The following FNTB variants were observed in gnomAD, a reference collection of about 807,000 sequenced individuals.
The protein encoded by FNTB is protein farnesyltransferase subunit beta.
A neutral mutation model predicts 59.4 loss-of-function variants in FNTB; 27 were observed. That is an observed-to-expected ratio of 0.45 (90% CI 0.34 to 0.63). The LOEUF (loss-of-function observed/expected upper bound fraction) is 0.63. Among genes scored for constraint, FNTB ranks in the 20% least tolerant of loss-of-function variants. The pLI is 0.02. For synonymous variants in FNTB, 230 were observed against 220.7 expected (o/e 1.04, Z -0.37); for missense variants, 449 against 559.6 (o/e 0.80, Z 1.99).
intron 1 of FNTB, among the ~76,000 whole-genome samples, chr14:65,000,016 G>A (rs924921268): frequency 1.3e-4 from 20 of 152,160 alleles, no homozygotes; most frequent in Non-Finnish European, 4.4e-5. Context: ...CTGCTTTCCC[G>A]CAAGAAAGCT....
rs932599411 is a variant in FNTB at position 64,990,268 on chromosome 14, T to C, written c.144+3171T>C. Reference sequence around the variant, plus strand: ...GCCCCAGATTCACTTGGCCCTTTTCTAGCCTGCTCTGTAGATGTGCCCCAG... The same window carrying C: ...GCCCCAGATTCACTTGGCCCTTTTCCAGCCTGCTCTGTAGATGTGCCCCAG... On this transcript the variant is annotated intron_variant, in intron 1 of 11. Coordinates refer to ENST00000246166, the MANE Select transcript of FNTB (RefSeq NM_002028.4). The surrounding 1 kb of genome is among the most constrained non-coding windows in gnomAD (Gnocchi z 5.2). Among the ~76,000 whole-genome samples, 2 of 152,234 alleles carry C rather than the reference T, an allele frequency of 1.3e-5. No homozygotes were observed. Among genetic ancestry groups the C allele is most frequent in the African/African-American group, 4.8e-5 (2 of 41,468 alleles).
In FNTB at chr14:65,012,090, T is replaced by C. The variant is rs1171227513; in HGVS notation, c.210-227T>C. The C allele has an allele frequency of 4.0e-6, 2 of 504,966 alleles. No homozygotes were observed. The highest frequency in any genetic ancestry group is 1.9e-5 in the African/African-American group (1 of 51,480). 31.3% of individuals were successfully genotyped at this position (504,966 alleles called of 1,614,324 possible). ...CTTTAGGAGACAATCGCACTCTAAA[T>C]GTCAGCTGGCATGGTTTTCAGATGC... On this transcript the variant is annotated intron_variant, in intron 2 of 11. Coordinates refer to ENST00000246166, the MANE Select transcript of FNTB (RefSeq NM_002028.4). This position sits in a 1 kb window ranked among gnomAD's most constrained non-coding sequence, Gnocchi z 5.0.
intron 1 of FNTB, among the ~76,000 whole-genome samples, chr14:64,993,394 A>G (rs1467244865): frequency 1.3e-5 from 2 of 152,358 alleles, no homozygotes; most frequent in East Asian, 3.9e-4. Flanking sequence ...TTCACTGATT[A>G]CCATTAGCCA....
intron 4 of FNTB, chr14:65,021,904 C>T (rs2061893848): frequency 2.9e-5 from 13 of 455,770 alleles, no homozygotes; most frequent in Admixed American, 7.1e-5. Context: ...CGTCGGCCTC[C>T]CAAAGTGCTA....
chr14:65,004,754 A>G (rs767867547), intron 2 of FNTB, among the ~76,000 whole-genome samples: 2 of 151,564 alleles, frequency 1.3e-5, no homozygotes, highest in African/African-American at 4.9e-5. Context: ...CCTTCGCCTC[A>G]TAGGTTCAAG....
chr14:65,001,583 T>C lies in FNTB; in HGVS notation c.145-2666T>C, dbSNP rs1888601227. On this transcript the variant is annotated intron_variant, in intron 1 of 11. Coordinates refer to ENST00000246166, the MANE Select transcript of FNTB (RefSeq NM_002028.4). The surrounding 1 kb of genome is among the most constrained non-coding windows in gnomAD (Gnocchi z 5.5). ...TTTGTGTAAATACTCCAGCATTTTATATCAAGGACTTGAGCATCCACAGAT... is the reference window on the plus strand; with the variant it reads ...TTTGTGTAAATACTCCAGCATTTTACATCAAGGACTTGAGCATCCACAGAT... 6.6e-6 allele frequency among the ~76,000 whole-genome samples: 1 copy of C among 152,218 alleles called. No individual in the cohort carries two copies.
Position 65,011,573 on chromosome 14 carries a change from G to A in FNTB, c.210-744G>A, listed in dbSNP as rs1240097675. ...CTTTGTTTCTGTAATCTGCAAGCAC[G>A]GGGAACATCTTGACAATCTGTGCTT... On this transcript the variant is annotated intron_variant, in intron 2 of 11. Transcript: ENST00000246166. The surrounding 1 kb of genome is among the most constrained non-coding windows in gnomAD (Gnocchi z 4.0). Among the ~76,000 whole-genome samples the A allele has an allele frequency of 3.3e-5, 5 of 152,346 alleles. No individual in the cohort carries two copies. Among genetic ancestry groups the A allele is most frequent in the South Asian group, 2.1e-4 (1 of 4,832 alleles).
chr14:65,049,127 A>T (rs1396709441), intron 9 of FNTB, among the ~76,000 whole-genome samples: 39 of 29,256 alleles, frequency 1.3e-3, no homozygotes, highest in African/African-American at 9.2e-3. Flanking sequence ...ACTCCGTCTA[A>T]AAAAAAAAAA....
chr14:65,004,648 TTTTCTTTTTC>T (rs1263922725), intron 2 of FNTB, among the ~76,000 whole-genome samples: 2 of 152,026 alleles, frequency 1.3e-5, no homozygotes, highest in Non-Finnish European at 2.9e-5. Flanking sequence ...ACTCTCAGGT[TTTTCTTTTTC>T]TTTCTTTTTC....
rs118149535 is a variant in FNTB at position 65,029,420 on chromosome 14, G to C, written c.605+1639G>C. Among the ~76,000 whole-genome samples, 1,040 of 152,336 alleles carry C rather than the reference G, an allele frequency of 6.8e-3. 10 individuals carry two copies. The highest frequency in any genetic ancestry group is 0.014 in the Admixed American group (210 of 15,302). On this transcript the variant is annotated intron_variant, in intron 6 of 11. Transcript: ENST00000246166. The surrounding 1 kb of genome is among the most constrained non-coding windows in gnomAD (Gnocchi z 4.7). The stretch of plus-strand genomic sequence containing the variant: ...ACTAGCTCGCTGCCCTTCTGGGATA[G>C]ACAGCAGTCTCTGGATGATCTTTCT...
chr14:65,008,608 T>C (rs1282723324), intron 2 of FNTB, among the ~76,000 whole-genome samples: 2 of 152,194 alleles, frequency 1.3e-5, no homozygotes, highest in African/African-American at 4.8e-5. Flanking sequence ...GCTGAATCTG[T>C]AGGTGGAATA....
At chr14:65,005,480 T>C (rs1017743942) in intron 2 of FNTB, among the ~76,000 whole-genome samples, 1 of 136,004 alleles carries the variant, frequency 7.4e-6, no homozygotes, top group Non-Finnish European at 1.5e-5. Context: ...TTTCTTTCTT[T>C]CTTTCTTTCT....
At chr14:65,015,068 A>G (rs1274631029) in intron 3 of FNTB, among the ~76,000 whole-genome samples, 2 of 150,122 alleles carry the variant, frequency 1.3e-5, no homozygotes, top group Admixed American at 1.3e-4. Flanking sequence ...GTTCAGGGTC[A>G]TCTTTTTTTT....
intron 1 of FNTB, among the ~76,000 whole-genome samples, chr14:64,987,997 T>G (rs540528783): frequency 1.3e-5 from 2 of 152,332 alleles, no homozygotes; most frequent in East Asian, 3.9e-4. Context: ...TAAGATCTCT[T>G]AGTGAGATCA....
intron 4 of FNTB, among the ~76,000 whole-genome samples, chr14:65,022,460 A>G (rs2061907444): frequency 6.6e-6 from 1 of 152,016 alleles, no homozygotes; most frequent in Non-Finnish European, 1.5e-5. Context: ...TGTTTATGTA[A>G]TTATCCTTTG....
intron 9 of FNTB, 133 bp from the exon 10 acceptor site, chr14:65,053,105 T>C (rs1209656098): frequency 1.2e-5 from 7 of 588,910 alleles, no homozygotes; most frequent in Non-Finnish European, 1.8e-5. Flanking sequence ...AAGATAGCAG[T>C]TGTACCAAGA....
At chr14:65,051,504 G>A (rs534055336) in intron 9 of FNTB, among the ~76,000 whole-genome samples, 6 of 151,844 alleles carry the variant, frequency 4.0e-5, no homozygotes, top group Admixed American at 2.0e-4. Context: ...CCAGCTACTC[G>A]GGAGGCTGAG....
chr14:65,054,349 C>T lies in FNTB; in HGVS notation c.1068-226C>T, dbSNP rs945432018. On this transcript the variant is annotated intron_variant, in intron 10 of 11. Transcript: ENST00000246166. The surrounding 1 kb of genome is among the most constrained non-coding windows in gnomAD (Gnocchi z 4.4). Reference sequence around the variant, plus strand: ...TGGTTTTGAACTCCTGGCCTCAAACCGTTCTCTTGCCTCAGCCTCCTGCTT... The same window carrying T: ...TGGTTTTGAACTCCTGGCCTCAAACTGTTCTCTTGCCTCAGCCTCCTGCTT... Among the ~76,000 whole-genome samples, 1 of 151,760 alleles carries T rather than the reference C, an allele frequency of 6.6e-6. No homozygotes were observed. Among genetic ancestry groups the T allele is most frequent in the African/African-American group, 2.4e-5 (1 of 41,318 alleles).
chr14:65,029,674 C>T lies in FNTB; in HGVS notation c.605+1893C>T, dbSNP rs539830675. Among the ~76,000 whole-genome samples the T allele has an allele frequency of 3.1e-4, 47 of 152,248 alleles. No individual in the cohort carries two copies. The highest frequency in any genetic ancestry group is 1.1e-3 in the African/African-American group (45 of 41,534). ...AAGTTTGGTGAGAAAGCATGTGTTG[C>T]TCAAGAAAGGACAAGTTCAGTGTTG... On this transcript the variant is annotated intron_variant, in intron 6 of 11. Coordinates refer to ENST00000246166, the MANE Select transcript of FNTB (RefSeq NM_002028.4). The surrounding 1 kb of genome is among the most constrained non-coding windows in gnomAD (Gnocchi z 4.7).
Sources: allele counts gnomAD v4.1 joint callset (sites outside exome capture counted in the v4.1 genomes callset), GRCh38; gene constraint gnomAD v4.1.1; non-coding constraint Gnocchi (gnomAD v3.1); transcripts MANE v1.5; gene names NCBI Gene and HGNC (gene_info 2026-07-23, HGNC 2026-07-21).